DNAH11: variants seen among roughly 807,000 people sequenced by gnomAD.
DNAH11 encodes axonemal beta dynein heavy chain 11.
In DNAH11, 442 loss-of-function variants were observed where a neutral mutation model predicts 526.0. The ratio of observed to expected loss-of-function variants is 0.84; its 90% confidence interval spans 0.78 to 0.91. The LOEUF is 0.91. Ranked by LOEUF, DNAH11 falls within the 40% of genes least tolerant of loss-of-function variation. The pLI, the probability that DNAH11 is intolerant of heterozygous loss-of-function variation, is 0.00. For missense variants in DNAH11, 6,989 were observed against 5,448.7 expected (o/e 1.28, Z -8.90); for synonymous variants, 2,461 against 1,935.9 (o/e 1.27, Z -7.12).
chr7:21,897,196 T>C (rs543296977), intron 79 of DNAH11, among the ~76,000 whole-genome samples: 47 of 152,098 alleles, frequency 3.1e-4, no homozygotes, highest in African/African-American at 1.1e-3. Flanking sequence ...TATTCTCTTT[T>C]CCTGAGAAGT....
At chr7:21,565,930 G>T (rs1783649184) in intron 6 of DNAH11, among the ~76,000 whole-genome samples, 1 of 152,094 alleles carries the variant, frequency 6.6e-6, no homozygotes, top group African/African-American at 2.4e-5. Context: ...TTCAATATCT[G>T]TTACTCTGTT....
At chr7:21,649,672 T>A (rs933005216) in intron 28 of DNAH11, among the ~76,000 whole-genome samples, 1 of 151,398 alleles carries the variant, frequency 6.6e-6, no homozygotes, top group African/African-American at 2.4e-5. Flanking sequence ...TTTTTTTTTT[T>A]CTGTAGATGG....
chr7:21,881,535 A>G (rs569626233), intron 75 of DNAH11, among the ~76,000 whole-genome samples: 1 of 152,322 alleles, frequency 6.6e-6, no homozygotes, highest in South Asian at 2.1e-4. Flanking sequence ...ATTGGATTTC[A>G]AAAAGCAAGA....
rs759644499 is a variant in DNAH11, at chr7:21,901,092, A to G, written c.13389A>G (p.Lys4463=). 6.2e-7 allele frequency: 1 copy of G among 1,613,940 alleles called. No individual in the cohort carries two copies. The highest frequency in any genetic ancestry group is 8.5e-7 in the Non-Finnish European group (1 of 1,179,850). The part of the protein sequence containing the change: ...LACPMPVIFA[K]ATPVDRQETK... ...GCCCTATGCCGGTCATCTTTGCAAAAGCCACCCCCGTGGACAGACAAGAAA... is the reference window on the plus strand; with the variant it reads ...GCCCTATGCCGGTCATCTTTGCAAAGGCCACCCCCGTGGACAGACAAGAAA... The change falls in exon 82 of 82, where the codon AAA becomes AAG. Residue 4463 remains lysine (K), a synonymous_variant. Coordinates refer to ENST00000409508, the MANE Select transcript of DNAH11 (RefSeq NM_001277115.2).
chr7:21,703,945 C>T (rs189692783), intron 37 of DNAH11, among the ~76,000 whole-genome samples: 1,719 of 152,114 alleles, frequency 0.011, 24 homozygotes, highest in South Asian at 0.048. Flanking sequence ...TGTTGGAATG[C>T]TTAACTCCTG....
At chr7:21,717,384 A>G (rs1784707596) in intron 42 of DNAH11, among the ~76,000 whole-genome samples, 1 of 152,142 alleles carries the variant, frequency 6.6e-6, no homozygotes, top group Non-Finnish European at 1.5e-5. Flanking sequence ...TTATTACTAA[A>G]TAATTGATGC....
At chr7:21,547,365 C>G (rs1003579302) in intron 2 of DNAH11, among the ~76,000 whole-genome samples, 5 of 152,178 alleles carry the variant, frequency 3.3e-5, no homozygotes, top group African/African-American at 1.2e-4. Context: ...GACTCGGAGA[C>G]ACGCAGTACA....
chr7:21,664,133 A>ATTTTTTT (rs1782337600), intron 30 of DNAH11, among the ~76,000 whole-genome samples: 1 of 68,430 alleles, frequency 1.5e-5, no homozygotes, highest in African/African-American at 4.9e-5. Context: ...AATTTCCCAA[A>ATTTTTTT]GTTTTTTTTT....
chr7:21,766,222 A>G (rs1787179973), intron 55 of DNAH11, among the ~76,000 whole-genome samples: 1 of 152,246 alleles, frequency 6.6e-6, no homozygotes, highest in South Asian at 2.1e-4. Context: ...GTACAAAACA[A>G]AACAACAAAA....
rs57952953 is a variant in DNAH11, at chr7:21,619,936, A to ATTAAT, written c.4378-17_4378-16insATTTA. On this transcript the variant is annotated intron_variant, in intron 24 of 81. Coordinates refer to ENST00000409508, the MANE Select transcript of DNAH11 (RefSeq NM_001277115.2). ...TATCAATTAAATTTTGTGCACATTA[A>ATTAAT]TTATATTGTTGATTACTAGGTTATT... The ATTAAT allele has an allele frequency of 0.42, 655,285 of 1,559,650 alleles. 142,372 individuals are homozygous for ATTAAT. Among genetic ancestry groups the ATTAAT allele is most frequent in the East Asian group, 0.73 (31,492 of 43,130 alleles).
In DNAH11 at chr7:21,816,465, A is replaced by T; in HGVS notation, c.10333-2A>T. 6.3e-7 allele frequency: 1 copy of T among 1,595,428 alleles called. No individual in the cohort carries two copies. Among genetic ancestry groups the T allele is most frequent in the Non-Finnish European group, 8.5e-7 (1 of 1,170,950 alleles). ...TTGTTGCATTCAACTCTGATTTTAA[A>T]GGTTTCCATTCCACTAACCGAAGGC... On this transcript the variant is annotated splice_acceptor_variant, in intron 63 of 81. Coordinates refer to ENST00000409508, the MANE Select transcript of DNAH11 (RefSeq NM_001277115.2). LOFTEE classifies it high-confidence loss of function.
chr7:21,880,099 A>G (rs1305242313), intron 74 of DNAH11, among the ~76,000 whole-genome samples: 3 of 147,928 alleles, frequency 2.0e-5, no homozygotes, highest in East Asian at 2.0e-4. Flanking sequence ...AAAAAAAAAA[A>G]AAGAAAGAAA....
At chr7:21,784,062 C>G (rs370037296) in intron 57 of DNAH11, among the ~76,000 whole-genome samples, 1 of 152,188 alleles carries the variant, frequency 6.6e-6, no homozygotes, top group African/African-American at 2.4e-5. Flanking sequence ...GGTTACTAAG[C>G]TAGCCCAGAT....
chr7:21,573,476 C>G (rs1783970940), intron 8 of DNAH11, among the ~76,000 whole-genome samples: 1 of 152,130 alleles, frequency 6.6e-6, no homozygotes, highest in East Asian at 1.9e-4. Flanking sequence ...TTAACTTAAT[C>G]AGCATACTTA....
intron 18 of DNAH11, among the ~76,000 whole-genome samples, chr7:21,605,177 T>C (rs528816913): frequency 1.4e-4 from 22 of 152,338 alleles, no homozygotes; most frequent in African/African-American, 5.0e-4. Flanking sequence ...CCTAGCACAG[T>C]GCGTTTTTCC....
chr7:21,652,784 A>G (rs1405807527), intron 28 of DNAH11, among the ~76,000 whole-genome samples: 3 of 152,288 alleles, frequency 2.0e-5, no homozygotes, highest in Admixed American at 2.0e-4. Context: ...ATGGTGAGTT[A>G]TTGGTTCTTT....
At chr7:21,709,072 C>T (rs1205912050) in intron 40 of DNAH11, among the ~76,000 whole-genome samples, 1 of 152,166 alleles carries the variant, frequency 6.6e-6, no homozygotes, top group Non-Finnish European at 1.5e-5. Flanking sequence ...AATCCCATTA[C>T]TGGGTATATA....
At chr7:21,544,835 CTG>C (rs1214621807) in intron 1 of DNAH11, among the ~76,000 whole-genome samples, 169 bp from the exon 2 acceptor site, 1 of 152,064 alleles carries the variant, frequency 6.6e-6, no homozygotes. Context: ...ACAAAGAAAA[CTG>C]TATACTCGCT....
chr7:21,589,898 A>G (rs992321736), intron 12 of DNAH11, among the ~76,000 whole-genome samples: 1 of 152,226 alleles, frequency 6.6e-6, no homozygotes, highest in Admixed American at 6.5e-5. Context: ...GAGCACTGGT[A>G]GATTTTAATT....
Sources: allele counts gnomAD v4.1 joint callset (sites outside exome capture counted in the v4.1 genomes callset), GRCh38; gene constraint gnomAD v4.1.1; transcripts MANE v1.5; gene names NCBI Gene and HGNC (gene_info 2026-07-23, HGNC 2026-07-21).